The following POMP variants were observed in gnomAD, a reference collection of about 807,000 sequenced individuals.
POMP encodes 2510048O06Rik.
Under a neutral mutation model 20.6 loss-of-function variants are expected in POMP, and 12 were observed. The observed-to-expected ratio is 0.58, with a 90% CI of 0.37 to 0.94. POMP has a LOEUF of 0.94. Among genes scored for constraint, POMP ranks in the 40% least tolerant of loss-of-function variants. POMP has a pLI of 0.01. For missense variants in POMP, 136 were observed against 161.1 expected, an observed-to-expected ratio of 0.84 and a Z score of 0.84; for synonymous variants, 53 against 55.0, an observed-to-expected ratio of 0.96 and a Z score of 0.16.
rs575862452 is a variant in POMP at position 28,678,227 on chromosome 13, T to C, written c.*125T>C. 1.7e-3 allele frequency: 1,700 copies of C among 974,758 alleles called. 6 individuals are homozygous for C. The highest frequency in any genetic ancestry group is 2.4e-3 in the Non-Finnish European group (1,472 of 617,856). The allele number at this position is 974,758 out of a possible 1,614,324, so 60.4% of individuals were successfully genotyped here. On this transcript the variant is annotated 3_prime_UTR_variant, in exon 6 of 6. Coordinates refer to ENST00000380842, the MANE Select transcript of POMP (RefSeq NM_015932.6). ...ATTTCTGCTCAAGTAGTATCAGTGA[T>C]CATTTAAAATTTGGAGGGGTCTTTG...
intron 3 of POMP, among the ~76,000 whole-genome samples, chr13:28,666,180 C>A (rs577433894): frequency 1.3e-5 from 2 of 152,206 alleles, no homozygotes; most frequent in East Asian, 3.9e-4. Context: ...CGTTTGGATT[C>A]AAAAAATGAA....
At chr13:28,663,527 C>T (rs890968766) in intron 2 of POMP, among the ~76,000 whole-genome samples, 3 of 152,110 alleles carry the variant, frequency 2.0e-5, no homozygotes, top group Non-Finnish European at 4.4e-5. Flanking sequence ...TCAGGCTGGC[C>T]TTGAACTCCT....
At chr13:28,667,829 C>G (rs1054241164) in intron 3 of POMP, among the ~76,000 whole-genome samples, 2 of 152,184 alleles carry the variant, frequency 1.3e-5, no homozygotes, top group Admixed American at 6.5e-5. Context: ...CAAGTCGATT[C>G]ATTTTGCCTG....
In POMP at chr13:28,661,516, C is replaced by T. The variant is rs955685905; in HGVS notation, c.4-894C>T. 5.3e-5 allele frequency among the ~76,000 whole-genome samples: 8 copies of T among 152,090 alleles called. No homozygotes were observed. The East Asian group carries it at 1.5e-3, about 29-fold the overall frequency. On this transcript the variant is annotated intron_variant, in intron 1 of 5. Coordinates refer to ENST00000380842, the MANE Select transcript of POMP (RefSeq NM_015932.6). The stretch of plus-strand genomic sequence containing the variant: ...TCTCATGCTTTGCCTGTTGTAACAC[C>T]ATGTTTTCTTTGCTTGTTTAATATA...
At chr13:28,659,469 C>T (rs563992965) in intron 1 of POMP, among the ~76,000 whole-genome samples, 1 of 152,196 alleles carries the variant, frequency 6.6e-6, no homozygotes, top group African/African-American at 2.4e-5. Flanking sequence ...AGGCCCAGAC[C>T]TCCTCCCCTT....
intron 3 of POMP, among the ~76,000 whole-genome samples, chr13:28,666,187 T>C (rs1884442182): frequency 6.6e-6 from 1 of 152,170 alleles, no homozygotes; most frequent in Admixed American, 6.6e-5. Flanking sequence ...ATTCAAAAAA[T>C]GAATTCTACA....
intron 4 of POMP, among the ~76,000 whole-genome samples, chr13:28,669,848 G>A (rs777575049): frequency 1.3e-5 from 2 of 152,150 alleles, no homozygotes; most frequent in Admixed American, 6.5e-5. Context: ...CCTCACACCT[G>A]TAATCCCAGC....
chr13:28,668,618 T>C, intron 4 of POMP, 44 bp downstream of exon 4: 1 of 1,405,504 alleles, frequency 7.1e-7, no homozygotes. Context: ...ATATCATTCA[T>C]GAGGAATCTT....
intron 3 of POMP, among the ~76,000 whole-genome samples, chr13:28,667,346 G>A (rs973488427): frequency 1.3e-5 from 2 of 152,056 alleles, no homozygotes; most frequent in African/African-American, 4.8e-5. Context: ...CTCTATAATC[G>A]TGCCTGTGAA....
chr13:28,677,857 CAA>C (rs538263670), intron 5 of POMP, among the ~76,000 whole-genome samples, 176 bp from the exon 6 acceptor site: 213 of 152,258 alleles, frequency 1.4e-3, no homozygotes, highest in Middle Eastern at 6.8e-3. Context: ...CATTGCCTCA[CAA>C]AGTTCCCTTG....
chr13:28,659,582 C>T (rs1593170760), intron 1 of POMP, among the ~76,000 whole-genome samples: 1 of 152,248 alleles, frequency 6.6e-6, no homozygotes, highest in South Asian at 2.1e-4. Flanking sequence ...GCCCAGAGCT[C>T]TCAGACTCCT....
chr13:28,664,838 A>G (rs1401057292), intron 3 of POMP, among the ~76,000 whole-genome samples: 4 of 151,956 alleles, frequency 2.6e-5, no homozygotes, highest in Admixed American at 6.6e-5. Context: ...TTCTCTTTCA[A>G]TAATGCTGTT....
In POMP at chr13:28,678,869, G is replaced by A. The variant is rs969594620; in HGVS notation, c.*767G>A. ...AAAAATTTACATTTTTAGAACATTAGTGAATGGATCATCTTTTACAATTAA... is the reference window on the plus strand; with the variant it reads ...AAAAATTTACATTTTTAGAACATTAATGAATGGATCATCTTTTACAATTAA... On this transcript the variant is annotated 3_prime_UTR_variant, in exon 6 of 6. Coordinates refer to ENST00000380842, the MANE Select transcript of POMP (RefSeq NM_015932.6). 7.2e-5 allele frequency: 11 copies of A among 152,118 alleles called. No homozygotes were observed. Among genetic ancestry groups the A allele is most frequent in the Non-Finnish European group, 1.2e-4 (8 of 68,030 alleles). 9.4% of individuals were successfully genotyped at this position (152,118 alleles called of 1,614,324 possible).
chr13:28,674,669 T>C (rs1283478602), intron 5 of POMP, among the ~76,000 whole-genome samples: 1 of 152,122 alleles, frequency 6.6e-6, no homozygotes, highest in African/African-American at 2.4e-5. Flanking sequence ...AAGTTTAGAA[T>C]TTCTTCAGAA....
At chr13:28,673,119 G>A (rs1402462795) in intron 5 of POMP, among the ~76,000 whole-genome samples, 1 of 148,410 alleles carries the variant, frequency 6.7e-6, no homozygotes, top group Non-Finnish European at 1.5e-5. Context: ...TACCCGGGCT[G>A]GAGTGCAGTG....
chr13:28,663,117 A>G (rs1884377848), intron 2 of POMP, among the ~76,000 whole-genome samples: 1 of 152,086 alleles, frequency 6.6e-6, no homozygotes, highest in African/African-American at 2.4e-5. Context: ...TTTAGCATGC[A>G]GTTACGCCAT....
chr13:28,664,352 A>G (rs1169086919), intron 2 of POMP, among the ~76,000 whole-genome samples, 157 bp from the exon 3 acceptor site: 3 of 151,806 alleles, frequency 2.0e-5, no homozygotes, highest in Non-Finnish European at 4.4e-5. Context: ...TAGCACATGT[A>G]TCAATTCCTA....
At chr13:28,668,834 A>G (rs911387710) in intron 4 of POMP, among the ~76,000 whole-genome samples, 5 of 151,988 alleles carry the variant, frequency 3.3e-5, no homozygotes, top group African/African-American at 9.7e-5. Flanking sequence ...TATGTATTAC[A>G]TTGAATTTGA....
At chr13:28,668,864 A>G (rs1460759439) in intron 4 of POMP, among the ~76,000 whole-genome samples, 1 of 152,102 alleles carries the variant, frequency 6.6e-6, no homozygotes, top group African/African-American at 2.4e-5. Context: ...AAGAATATCC[A>G]AGTGGAGGTG....
Sources: gnomAD v4.1 joint callset for allele counts (sites outside exome capture counted in the v4.1 genomes callset) on GRCh38, gnomAD v4.1.1 for gene constraint, MANE v1.5 for transcripts, NCBI Gene and HGNC (gene_info 2026-07-23, HGNC 2026-07-21) for gene names.